The following UBE2R2 variants were observed in gnomAD, a reference collection of about 807,000 sequenced individuals.
UBE2R2 encodes ubiquitin-conjugating enzyme E2 R2.
Under a neutral mutation model 27.8 loss-of-function variants are expected in UBE2R2, and 1 was observed. The ratio of observed to expected loss-of-function variants is 0.04; its 90% CI spans 0.01 to 0.17. UBE2R2 has a LOEUF of 0.17. UBE2R2 is among the 10% of genes least tolerant of loss of function. UBE2R2 has a pLI of 1.00. For synonymous variants in UBE2R2, 106 were observed against 113.3 expected (o/e 0.94, Z 0.41); for missense variants, 100 against 291.0 (o/e 0.34, Z 4.78).
At chr9:33,824,258 G>A (rs545875749) in intron 1 of UBE2R2, among the ~76,000 whole-genome samples, 74 of 152,132 alleles carry the variant, frequency 4.9e-4, no homozygotes, top group African/African-American at 1.6e-3. Context: ...TTGGGAGGCC[G>A]AGGCGGGTGG....
intron 2 of UBE2R2, among the ~76,000 whole-genome samples, chr9:33,899,238 C>T (rs940365419): frequency 1.3e-5 from 2 of 152,016 alleles, no homozygotes; most frequent in African/African-American, 4.8e-5. Flanking sequence ...GATGGAGTCT[C>T]ATTGTGTTGC....
At chr9:33,874,581 T>C (rs1368780734) in intron 1 of UBE2R2, among the ~76,000 whole-genome samples, 3 of 152,042 alleles carry the variant, frequency 2.0e-5, no homozygotes, top group Non-Finnish European at 4.4e-5. Flanking sequence ...TATATATTAT[T>C]ATTATTTATC....
In UBE2R2 at chr9:33,917,302, G is replaced by A; in HGVS notation, c.*65G>A. On this transcript the variant is annotated 3_prime_UTR_variant, in exon 5 of 5. Coordinates refer to ENST00000263228, the MANE Select transcript of UBE2R2 (RefSeq NM_017811.4). ...GGCCAAAGGGAGGGGAGCAAGTGGG[G>A]ACCTGGCCATGGCCCCTCAGCAAAA... is the stretch of plus-strand genomic sequence containing the variant. The A allele has an allele frequency of 1.3e-6, 2 of 1,595,278 alleles. No individual in the cohort carries two copies. The highest frequency in any genetic ancestry group is 1.7e-6 in the Non-Finnish European group (2 of 1,172,574).
intron 1 of UBE2R2, among the ~76,000 whole-genome samples, chr9:33,839,127 A>G (rs1334041173): frequency 1.3e-5 from 2 of 152,120 alleles, no homozygotes; most frequent in Admixed American, 6.6e-5. Context: ...TGTATCCCCA[A>G]AAGACATATG....
chr9:33,866,030 C>T (rs1466638143), intron 1 of UBE2R2, among the ~76,000 whole-genome samples: 9 of 151,762 alleles, frequency 5.9e-5, no homozygotes. Context: ...TGGGGCTTCA[C>T]CATGTTGGCC....
upstream of UBE2R2, among the ~76,000 whole-genome samples, chr9:33,816,331 C>A (rs1233400398): frequency 6.6e-6 from 1 of 152,142 alleles, no homozygotes; most frequent in Non-Finnish European, 1.5e-5. Flanking sequence ...TCGAAAGTCC[C>A]TCAGTTCCAG....
chr9:33,869,750 G>A (rs968203222), intron 1 of UBE2R2, among the ~76,000 whole-genome samples: 5 of 152,042 alleles, frequency 3.3e-5, no homozygotes, highest in African/African-American at 7.2e-5. Context: ...GTGCCTGGCC[G>A]GGACATAATG....
upstream of UBE2R2, among the ~76,000 whole-genome samples, chr9:33,815,483 G>A (rs990039664): frequency 2.0e-5 from 3 of 152,200 alleles, no homozygotes; most frequent in Admixed American, 6.5e-5. Flanking sequence ...AGTGGCTCAC[G>A]CCAGTAATCC....
chr9:33,852,043 G>A (rs1820979521), intron 1 of UBE2R2, among the ~76,000 whole-genome samples: 1 of 152,174 alleles, frequency 6.6e-6, no homozygotes, highest in Non-Finnish European at 1.5e-5. Context: ...CGGGTGCAGT[G>A]GCTCAGGCCT....
At chr9:33,906,923 C>G (rs1002613008) in intron 3 of UBE2R2, among the ~76,000 whole-genome samples, 3 of 152,098 alleles carry the variant, frequency 2.0e-5, no homozygotes, top group African/African-American at 7.2e-5. Context: ...CCCAGCTACT[C>G]AGGAGGCTGA....
chr9:33,856,758 G>A (rs1821110781), intron 1 of UBE2R2, among the ~76,000 whole-genome samples: 2 of 142,914 alleles, frequency 1.4e-5, no homozygotes, highest in South Asian at 2.2e-4. Context: ...ATTCTCATCT[G>A]TAATTCCAGA....
chr9:33,911,423 A>AAC (rs1822486327), intron 3 of UBE2R2, among the ~76,000 whole-genome samples: 1 of 145,848 alleles, frequency 6.9e-6, no homozygotes, highest in Non-Finnish European at 1.5e-5. Context: ...AAAAAAAAAA[A>AAC]AAAAAAAAAA....
intron 1 of UBE2R2, among the ~76,000 whole-genome samples, chr9:33,859,919 A>G (rs1357332654): frequency 6.6e-6 from 1 of 151,488 alleles, no homozygotes; most frequent in Non-Finnish European, 1.5e-5. Flanking sequence ...CAATCTTTCT[A>G]CCTCACCTTC....
chr9:33,859,634 A>T (rs967540742), intron 1 of UBE2R2, among the ~76,000 whole-genome samples: 1 of 152,088 alleles, frequency 6.6e-6, no homozygotes, highest in Admixed American at 6.6e-5. Flanking sequence ...TGACGTTAGG[A>T]GCCTTGAGAC....
At chr9:33,826,832 C>T (rs1472867767) in intron 1 of UBE2R2, among the ~76,000 whole-genome samples, 1 of 152,166 alleles carries the variant, frequency 6.6e-6, no homozygotes, top group Non-Finnish European at 1.5e-5. Context: ...AATTTTTACC[C>T]AGCACTTTGG....
upstream of UBE2R2, among the ~76,000 whole-genome samples, chr9:33,816,994 G>A (rs1317678399): frequency 1.3e-5 from 2 of 152,022 alleles, no homozygotes; most frequent in African/African-American, 2.4e-5. Context: ...ACCGAGAGGA[G>A]GCGTGGAAAC....
intron 1 of UBE2R2, among the ~76,000 whole-genome samples, chr9:33,861,847 CTTTTTTTTTTTT>C (rs775634986): frequency 3.1e-5 from 3 of 95,456 alleles, no homozygotes; most frequent in East Asian, 3.0e-4. Flanking sequence ...GATCCACTTT[CTTTTTTTTTTTT>C]TTTTTTTTTT....
intron 3 of UBE2R2, among the ~76,000 whole-genome samples, chr9:33,903,305 G>A (rs1372646264): frequency 6.6e-6 from 1 of 152,142 alleles, no homozygotes; most frequent in Non-Finnish European, 1.5e-5. Context: ...TAATGATTCT[G>A]GTGCATGGAT....
In UBE2R2 at chr9:33,817,777, C is replaced by G. The variant is rs374398571; in HGVS notation, c.20C>G (p.Thr7Ser). The change falls in exon 1 of 5, where the codon ACC becomes AGC. Residue 7 changes from threonine (T) to serine (S), a missense_variant. Around this residue, in one of 3 missense-constraint regions of UBE2R2, gnomAD observed 43 missense variants for 129.2 expected, o/e 0.33. Transcript: ENST00000263228. ...GCCGCGATGGCCCAGCAGCAGATGA[C>G]CAGCTCGCAGAAGGCCCTGATGCTC... is the stretch of plus-strand genomic sequence containing the variant. MAQQQM[T>S]SSQKALMLEL... 6.3e-7 allele frequency: 1 copy of G among 1,595,042 alleles called. No homozygotes were observed. Among genetic ancestry groups the G allele is most frequent in the African/African-American group, 1.4e-5 (1 of 73,568 alleles).
Sources: allele counts gnomAD v4.1 joint callset (sites outside exome capture counted in the v4.1 genomes callset), GRCh38; gene constraint gnomAD v4.1.1; regional missense constraint gnomAD v4.1.1; transcripts MANE v1.5; gene names NCBI Gene and HGNC (gene_info 2026-07-23, HGNC 2026-07-21).